The following ZNF528 variants were observed in gnomAD, a reference collection of about 807,000 sequenced individuals.
ZNF528 encodes the protein zinc finger protein 528.
ZNF528 carries 9 observed loss-of-function variants against 13.3 expected under a neutral mutation model. The ratio of observed to expected loss-of-function variants is 0.67; its 90% CI spans 0.41 to 1.18. The LOEUF (loss-of-function observed/expected upper bound fraction) is 1.18, where lower values mean the gene tolerates loss of function less well. Ranked by LOEUF, ZNF528 falls within the 50% of genes most tolerant of loss-of-function variation. The pLI is 0.01. For synonymous variants in ZNF528, 264 were observed against 254.3 expected (o/e 1.04, Z -0.36); for missense variants, 858 against 745.4 (o/e 1.15, Z -1.76).
At position 52,405,973 on chromosome 19, in the gene ZNF528, G is replaced by C; in HGVS notation, c.82G>C (p.Ala28Pro). The C allele has an allele frequency of 6.2e-7, 1 of 1,612,280 alleles. No individual in the cohort carries two copies. The highest frequency in any genetic ancestry group is 8.5e-7 in the Non-Finnish European group (1 of 1,178,716). Residue 28 changes from alanine (A) to proline (P), a missense_variant, in exon 5 of 7, where the codon GCG (alanine) becomes CCG (proline). Physicochemically the swap from Ala to Pro is conservative, Grantham distance 27. Coordinates refer to ENST00000360465, the MANE Select transcript of ZNF528 (RefSeq NM_032423.3). ...GGAAGAGTGGAAATGCCTGGACCCT[G>C]CGCAGAGGACTTTATACAGGGACGT... ...SQEEWKCLDP[A>P]QRTLYRDVML...
chr19:52,404,266 C>T (rs112602576), intron 4 of ZNF528, among the ~76,000 whole-genome samples: 5 of 152,286 alleles, frequency 3.3e-5, no homozygotes, highest in African/African-American at 1.2e-4. Flanking sequence ...CTCGCTCTCT[C>T]ACCCATTCTG....
Position 52,416,253 on chromosome 19 carries a change from T to C in ZNF528, c.1401T>C (p.Cys467=). 6.2e-7 allele frequency: 1 copy of C among 1,614,050 alleles called. No individual in the cohort carries two copies. The highest frequency in any genetic ancestry group is 8.5e-7 in the Non-Finnish European group (1 of 1,179,964). ...LIHSGEKPYE[C]KECGKVFRYK... is the part of the protein sequence containing the mutation. ...ATAGTGGAGAGAAACCTTATGAATG[T>C]AAAGAATGTGGCAAAGTCTTCAGGT... The change falls in exon 7 of 7, where the codon TGT becomes TGC. Residue 467 remains cysteine, a synonymous_variant. Coordinates refer to ENST00000360465, the MANE Select transcript of ZNF528 (RefSeq NM_032423.3).
chr19:52,411,525 T>C (rs998631319), intron 6 of ZNF528: 14 of 152,324 alleles, frequency 9.2e-5, no homozygotes, highest in African/African-American at 3.4e-4. Context: ...GCTAACTCAC[T>C]TCTCTATATG....
At chr19:52,406,443 T>C in intron 5 of ZNF528, 72 bp from the exon 6 acceptor site, 7 of 1,553,498 alleles carry the variant, frequency 4.5e-6, no homozygotes, top group Non-Finnish European at 6.1e-6. Flanking sequence ...TAATATCCTC[T>C]CTCCTCCCTA....
Position 52,416,104 on chromosome 19 carries a change from T to G in ZNF528, c.1252T>G (p.Phe418Val). 1 of 1,614,024 alleles carries G rather than the reference T, an allele frequency of 6.2e-7. No individual in the cohort carries two copies. The part of the protein sequence containing the change: ...PYGCSQCGKI[F>V]SQKSDLIRHR... ...TGGATGCAGTCAGTGTGGCAAGATCTTTAGTCAGAAATCAGACCTTATACG... is the reference window on the plus strand; with the variant it reads ...TGGATGCAGTCAGTGTGGCAAGATCGTTAGTCAGAAATCAGACCTTATACG... Residue 418 changes from phenylalanine to valine, a missense_variant, in exon 7 of 7, where the codon TTT becomes GTT. By Grantham distance (50) the Phe-to-Val change is conservative. Transcript: ENST00000360465.
Position 52,402,296 on chromosome 19 carries a change from G to A in ZNF528, c.15+268G>A, listed in dbSNP as rs1158659799. ...GAGACGGGGTGTGGGTCCCGTGGTG[G>A]CAGTGCTGCTGGGCAGCAGGGATTG... On this transcript the variant is annotated intron_variant, in intron 4 of 6. Coordinates refer to ENST00000360465, the MANE Select transcript of ZNF528 (RefSeq NM_032423.3). The A allele has an allele frequency of 2.2e-5, 13 of 597,272 alleles. No homozygotes were observed. In the Middle Eastern group the frequency reaches 1.1e-3, roughly 49 times the overall value. The allele number at this position is 597,272 out of a possible 1,614,324, so 37.0% of individuals were successfully genotyped here. A position where few individuals can be genotyped will look rare whatever the true frequency, so the allele number is the denominator to read the frequency against.
In ZNF528 at chr19:52,416,671, T is replaced by C. The variant is rs1386616623; in HGVS notation, c.1819T>C (p.Cys607Arg). 6.2e-7 allele frequency: 1 copy of C among 1,613,668 alleles called. No homozygotes were observed. The highest frequency in any genetic ancestry group is 1.7e-5 in the Admixed American group (1 of 59,988). Residue 607 changes from cysteine to arginine, a missense_variant, in exon 7 of 7, where the codon TGC becomes CGC. Physicochemically the swap from Cys to Arg is radical, Grantham distance 180. Coordinates refer to ENST00000360465, the MANE Select transcript of ZNF528 (RefSeq NM_032423.3). ...TCACATTGGAGAGAAACCTTACAAA[T>C]GCACCCTGTGCAGTAAGGTCTTCAG... Reference protein sequence around the residue: ...RIHIGEKPYKCTLCSKVFSHN... With the variant: ...RIHIGEKPYKRTLCSKVFSHN...
intron 6 of ZNF528, among the ~76,000 whole-genome samples, chr19:52,407,728 A>G (rs188380832): frequency 1.3e-4 from 20 of 152,154 alleles, no homozygotes; most frequent in African/African-American, 4.8e-4. Context: ...GTGAGCCGAG[A>G]TTGCACCACT....
At chr19:52,414,030 G>GT in intron 6 of ZNF528, 4 of 575,086 alleles carry the variant, frequency 7.0e-6, no homozygotes, top group Middle Eastern at 3.6e-4. Flanking sequence ...TGCACGTAGT[G>GT]TTTTTTTCAA....
At chr19:52,404,825 C>T (rs2058835403) in intron 4 of ZNF528, among the ~76,000 whole-genome samples, 1 of 151,696 alleles carries the variant, frequency 6.6e-6, no homozygotes, top group African/African-American at 2.4e-5. Context: ...TCTCGAACTC[C>T]TTACCTCAGG....
At chr19:52,398,761 G>C (rs1040537968) in intron 2 of ZNF528, 142 bp downstream of exon 2, 10 of 315,928 alleles carry the variant, frequency 3.2e-5, no homozygotes, top group Admixed American at 2.6e-4. Context: ...CTCAGACAGA[G>C]GGGGGAGAGG....
In ZNF528 at chr19:52,416,556, T is replaced by C. The variant is rs1283324588; in HGVS notation, c.1704T>C (p.Leu568=). Residue 568 remains leucine, a synonymous_variant, in exon 7 of 7, where the codon CTT becomes CTC. Transcript: ENST00000360465. ...FRGCSGLTAH[L]AIHTEKKSHE... is the part of the protein sequence containing the mutation. The stretch of plus-strand genomic sequence containing the variant: ...GGTGTTCAGGCCTTACTGCCCATCT[T>C]GCAATCCATACTGAAAAGAAATCTC... 1 of 1,614,076 alleles carries C rather than the reference T, an allele frequency of 6.2e-7. No homozygotes were observed. Among genetic ancestry groups the C allele is most frequent in the Non-Finnish European group, 8.5e-7 (1 of 1,180,038 alleles).
intron 6 of ZNF528, chr19:52,413,269 T>G (rs1568428898): frequency 6.6e-6 from 1 of 152,184 alleles, no homozygotes; most frequent in African/African-American, 2.4e-5. Context: ...CTGTAATGTC[T>G]CCTTGACAAG....
chr19:52,398,123 G>A (rs2058751388), intron 1 of ZNF528: 1 of 152,116 alleles, frequency 6.6e-6, no homozygotes, highest in Admixed American at 6.6e-5. Context: ...TACCCACGTA[G>A]ACACCTCCTA....
rs759339196 is a variant in ZNF528, at chr19:52,398,676, G to A, written c.-137+57G>A. 6.6e-6 allele frequency: 6 copies of A among 907,796 alleles called. No individual in the cohort carries two copies. The Admixed American group carries it at 2.5e-4, about 37-fold the overall frequency. The allele number at this position is 907,796 out of a possible 1,614,324, so 56.2% of individuals were successfully genotyped here. A position where few individuals can be genotyped will look rare whatever the true frequency, so the allele number is the denominator to read the frequency against. Reference sequence around the variant, plus strand: ...AGAAGGTGCCGAGAAAATAGCAGGGGAGAAAAGTAACTGTAAAAATATAGA... The same window carrying A: ...AGAAGGTGCCGAGAAAATAGCAGGGAAGAAAAGTAACTGTAAAAATATAGA... On this transcript the variant is annotated intron_variant, in intron 2 of 6. Transcript: ENST00000360465.
At chr19:52,407,952 A>ATT (rs1224767693) in intron 6 of ZNF528, among the ~76,000 whole-genome samples, 3 of 151,760 alleles carry the variant, frequency 2.0e-5, no homozygotes, top group Admixed American at 6.6e-5. Context: ...GCCTCATGTG[A>ATT]TTAGCCCTTC....
rs772339485 is a variant in ZNF528 at position 52,415,092 on chromosome 19, G to C, written c.272-32G>C. ...GACACTAAAGATGCCATTATCATGGGTTGAAGTTCCACTTTTTTCTTTCTG... is the reference window on the plus strand; with the variant it reads ...GACACTAAAGATGCCATTATCATGGCTTGAAGTTCCACTTTTTTCTTTCTG... On this transcript the variant is annotated intron_variant, in intron 6 of 6. Transcript: ENST00000360465. 1.9e-6 allele frequency: 3 copies of C among 1,610,768 alleles called. No individual in the cohort carries two copies. In the African/African-American group the frequency reaches 4.0e-5, roughly 22 times the overall value.
intron 6 of ZNF528, chr19:52,413,252 A>G (rs1041239464): frequency 4.6e-5 from 7 of 152,198 alleles, no homozygotes; most frequent in Non-Finnish European, 7.3e-5. Flanking sequence ...ACTCAATAGC[A>G]TATCCTCTGT....
intron 6 of ZNF528, chr19:52,413,532 C>T (rs910997980): frequency 1.3e-5 from 2 of 152,126 alleles, no homozygotes; most frequent in South Asian, 2.1e-4. Flanking sequence ...TAGATTGTTT[C>T]GATCAGGCCT....
Sources: gnomAD v4.1 joint callset for allele counts (sites outside exome capture counted in the v4.1 genomes callset) on GRCh38, gnomAD v4.1.1 for gene constraint, MANE v1.5 for transcripts, NCBI Gene and HGNC (gene_info 2026-07-23, HGNC 2026-07-21) for gene names.